Variants in LEMD1 observed in about 807,000 individuals in gnomAD.
LEMD1 encodes LEM domain-containing protein 1.
Under a neutral mutation model 17.4 loss-of-function variants are expected in LEMD1, and 18 were observed. That is an observed-to-expected ratio of 1.04 (90% confidence interval 0.72 to 1.54). LEMD1 has a LOEUF of 1.54. Ranked by LOEUF, LEMD1 falls within the 40% of genes most tolerant of loss-of-function variation. LEMD1 has a pLI of 0.00. For missense variants in LEMD1, 195 were observed against 210.4 expected (o/e 0.93, Z 0.45); for synonymous variants, 88 against 77.8 (o/e 1.13, Z -0.69).
At chr1:205,435,811 G>C (rs1470617189) in intron 1 of LEMD1, 2 of 152,220 alleles carry the variant, frequency 1.3e-5, no homozygotes, top group African/African-American at 4.8e-5. Context: ...CTGGGTGCCT[G>C]AGCCAGGTAG....
In LEMD1 at chr1:205,381,522, T is replaced by C; in HGVS notation, c.*136A>G. The C allele has an allele frequency of 1.2e-6, 1 of 817,438 alleles. No homozygotes were observed. Among genetic ancestry groups the C allele is most frequent in the Non-Finnish European group, 2.0e-6 (1 of 496,716 alleles). The allele number at this position is 817,438 out of a possible 1,614,324, so 50.6% of individuals were successfully genotyped here. A position where few individuals can be genotyped will look rare whatever the true frequency, so the allele number is the denominator to read the frequency against. On this transcript the variant is annotated 3_prime_UTR_variant, in exon 6 of 6. Transcript: ENST00000367153. ...ACCTGGCTGAGCCCAGACACCGATC[T>C]GTGAGAGCAGCACAGTGCAAGGGAA...
intron 1 of LEMD1, among the ~76,000 whole-genome samples, chr1:205,421,460 G>A (rs1009285409): frequency 2.0e-5 from 3 of 152,204 alleles, no homozygotes; most frequent in Non-Finnish European, 4.4e-5. Flanking sequence ...GGAGGATCTA[G>A]ACCAATTTTA....
intron 4 of LEMD1, among the ~76,000 whole-genome samples, chr1:205,392,523 C>G (rs1664392034): frequency 6.6e-6 from 1 of 151,528 alleles, no homozygotes; most frequent in Non-Finnish European, 1.5e-5. Context: ...GCCTGGGTGA[C>G]AGAGTGAAAT....
upstream of LEMD1, among the ~76,000 whole-genome samples, chr1:205,426,087 C>T (rs1458804723): frequency 1.3e-5 from 2 of 152,188 alleles, no homozygotes; most frequent in African/African-American, 2.4e-5. Flanking sequence ...CTTAAAGGAA[C>T]ACTTTCCCTG....
Position 205,394,227 on chromosome 1 carries a change from G to A in LEMD1, c.271-9863C>T, listed in dbSNP as rs550209742. Among the ~76,000 whole-genome samples the A allele has an allele frequency of 4.6e-5, 7 of 152,092 alleles. No homozygotes were observed. In the South Asian group the frequency reaches 1.2e-3, roughly 27 times the overall value. ...GGTGGGGTGGGGTGGGGGGTAGAGC[G>A]ACTGGCGGGTAACCGCTTAATGGGT... On this transcript the variant is annotated intron_variant, in intron 4 of 5. Transcript: ENST00000367153.
At chr1:205,425,972 G>A (rs1279746989), upstream of LEMD1, among the ~76,000 whole-genome samples, 2 of 152,026 alleles carry the variant, frequency 1.3e-5, no homozygotes, top group South Asian at 2.1e-4. Context: ...GCAGTGCCTG[G>A]AGCTACCATG....
Position 205,397,700 on chromosome 1 carries a change from AG to A in LEMD1, c.271-13337del, listed in dbSNP as rs369206332. Among the ~76,000 whole-genome samples, 79 of 152,340 alleles carry A rather than the reference AG, an allele frequency of 5.2e-4. 7 individuals are homozygous for A. The East Asian group carries it at 5.6e-3, about 11-fold the overall frequency. On this transcript the variant is annotated intron_variant, in intron 4 of 5. Transcript: ENST00000367153. ...GTCTCAAGAGATTAAAAATAACTCA[AG>A]GGTGCTCATATGGGAGGTACAACAG...
intron 4 of LEMD1, among the ~76,000 whole-genome samples, chr1:205,392,321 A>T (rs1256717306): frequency 2.0e-5 from 3 of 152,132 alleles, no homozygotes; most frequent in Admixed American, 1.3e-4. Context: ...AGAAGAACCA[A>T]GTGTAAATTT....
chr1:205,405,384 T>C (rs1400637354), intron 4 of LEMD1, among the ~76,000 whole-genome samples: 2 of 150,378 alleles, frequency 1.3e-5, no homozygotes, highest in East Asian at 3.9e-4. Flanking sequence ...CCATATTTCT[T>C]GGAGGCTTTG....
chr1:205,424,134 G>T (rs977143612), upstream of LEMD1, among the ~76,000 whole-genome samples: 1 of 152,172 alleles, frequency 6.6e-6, no homozygotes, highest in African/African-American at 2.4e-5. Flanking sequence ...TAGTAGATTT[G>T]CAGTTGCAAT....
chr1:205,393,799 GA>G (rs1664454521), intron 4 of LEMD1, among the ~76,000 whole-genome samples: 1 of 144,578 alleles, frequency 6.9e-6, no homozygotes. Flanking sequence ...TACTTTCTCC[GA>G]AAGTCAGATA....
chr1:205,415,968 G>C (rs554678566), intron 4 of LEMD1, among the ~76,000 whole-genome samples: 2 of 152,262 alleles, frequency 1.3e-5, no homozygotes, highest in Admixed American at 1.3e-4. Context: ...AAATGGGGAG[G>C]GGGCGTGACA....
At chr1:205,398,978 G>A (rs937137356) in intron 4 of LEMD1, among the ~76,000 whole-genome samples, 1 of 152,180 alleles carries the variant, frequency 6.6e-6, no homozygotes, top group Non-Finnish European at 1.5e-5. Context: ...ACTTTGGGAG[G>A]CCAAGGCGGG....
chr1:205,416,339 T>C, intron 3 of LEMD1, 43 bp from the exon 4 acceptor site: 2 of 1,349,160 alleles, frequency 1.5e-6, no homozygotes, highest in South Asian at 1.3e-5. Flanking sequence ...ATGAGAACAT[T>C]TGAGCTAGCA....
intron 4 of LEMD1, among the ~76,000 whole-genome samples, chr1:205,392,269 A>C (rs2102358424): frequency 6.6e-6 from 1 of 152,358 alleles, no homozygotes; most frequent in East Asian, 1.9e-4. Context: ...TTTGAAACAA[A>C]TGAAAAAATA....
chr1:205,416,695 C>A (rs930912063), intron 3 of LEMD1, among the ~76,000 whole-genome samples: 5 of 152,138 alleles, frequency 3.3e-5, no homozygotes, highest in Admixed American at 3.3e-4. Context: ...CAAGGCCAGA[C>A]CTGTGCTAAA....
rs1666436182 is a variant in LEMD1, at chr1:205,448,195, G to A, written c.-39+1673C>T. On this transcript the variant is annotated intron_variant, in intron 1 of 3. Coordinates refer to the LEMD1 transcript ENST00000367154. The surrounding 1 kb of genome is among the most constrained non-coding windows in gnomAD (Gnocchi z 4.7). ...TCACACGGCTTAGCCCCGATCCCAGGTTACCAGATCCCGTGATGCCCCACC... is the reference window on the plus strand; with the variant it reads ...TCACACGGCTTAGCCCCGATCCCAGATTACCAGATCCCGTGATGCCCCACC... The A allele has an allele frequency of 2.3e-6, 1 of 444,070 alleles. No individual in the cohort carries two copies. The highest frequency in any genetic ancestry group is 4.6e-6 in the Non-Finnish European group (1 of 216,120). 27.5% of individuals were successfully genotyped at this position (444,070 alleles called of 1,614,324 possible).
At chr1:205,447,385 A>G (rs1043610045) in intron 1 of LEMD1, among the ~76,000 whole-genome samples, 2 of 152,174 alleles carry the variant, frequency 1.3e-5, no homozygotes, top group African/African-American at 4.8e-5. Context: ...CTGAGATATT[A>G]TAAGAAACTT....
At chr1:205,398,490 G>C (rs780533832) in intron 4 of LEMD1, among the ~76,000 whole-genome samples, 1 of 152,210 alleles carries the variant, frequency 6.6e-6, no homozygotes, top group Non-Finnish European at 1.5e-5. Context: ...TCCCATTAAA[G>C]TTTTGGCAGA....
Sources: allele counts gnomAD v4.1 joint callset (sites outside exome capture counted in the v4.1 genomes callset), GRCh38; gene constraint gnomAD v4.1.1; non-coding constraint Gnocchi (gnomAD v3.1); transcripts MANE v1.5; gene names NCBI Gene and HGNC (gene_info 2026-07-23, HGNC 2026-07-21).